Variants in FLRT2 observed in about 807,000 individuals in gnomAD.
FLRT2 encodes leucine-rich repeat transmembrane protein FLRT2.
FLRT2 carries 15 observed loss-of-function variants against 40.0 expected under a neutral mutation model. The observed-to-expected ratio is 0.38, with a 90% CI of 0.25 to 0.58. FLRT2 has a LOEUF of 0.58. Ranked by LOEUF, FLRT2 falls within the 20% of genes least tolerant of loss-of-function variation. The pLI, the probability that FLRT2 is intolerant of heterozygous loss-of-function variation, is 0.71. For synonymous variants in FLRT2, 380 were observed against 336.8 expected (o/e 1.13, Z -1.41); for missense variants, 726 against 840.0 (o/e 0.86, Z 1.68).
chr14:85,557,838 A>T (rs1192789596), intron 1 of FLRT2, among the ~76,000 whole-genome samples: 1 of 152,052 alleles, frequency 6.6e-6, no homozygotes, highest in African/African-American at 2.4e-5. Flanking sequence ...AAATTAATTA[A>T]TTAATTAATT....
rs1040536067 is a variant in FLRT2, at chr14:85,651,505, A to G, written c.*28008A>G. 1 of 152,080 alleles carries G rather than the reference A, an allele frequency of 6.6e-6. No individual in the cohort carries two copies. The highest frequency in any genetic ancestry group is 2.4e-5 in the African/African-American group (1 of 41,438). 9.4% of individuals were successfully genotyped at this position (152,080 alleles called of 1,614,324 possible). A position where few individuals can be genotyped will look rare whatever the true frequency, so the allele number is the denominator to read the frequency against. ...GTATGTGCCTGTGTCCATTTATTTC[A>G]ATAATATCTTATACTATGACTCTAT... On this transcript the variant is annotated 3_prime_UTR_variant, in exon 2 of 2. Transcript: ENST00000330753.
In FLRT2 at chr14:85,537,746, A is replaced by T. The variant is rs1303475793; in HGVS notation, c.-377+7212A>T. Among the ~76,000 whole-genome samples, 9 of 152,168 alleles carry T rather than the reference A, an allele frequency of 5.9e-5. No individual in the cohort carries two copies. In the South Asian group the frequency reaches 8.3e-4, roughly 14 times the overall value. Reference sequence around the variant, plus strand: ...ATCCTGTGTTCTGATGAATACAGAGACTTATTTCATTCTCATGGAACAGTA... The same window carrying T: ...ATCCTGTGTTCTGATGAATACAGAGTCTTATTTCATTCTCATGGAACAGTA... On this transcript the variant is annotated intron_variant, in intron 1 of 1. Coordinates refer to ENST00000330753, the MANE Select transcript of FLRT2 (RefSeq NM_013231.6).
At chr14:85,533,195 G>T (rs1054756575) in intron 1 of FLRT2, among the ~76,000 whole-genome samples, 1 of 152,116 alleles carries the variant, frequency 6.6e-6, no homozygotes, top group African/African-American at 2.4e-5. Context: ...GGAGCGGAGC[G>T]CGCCAGAGCG....
chr14:85,567,250 T>A (rs1890665660), intron 1 of FLRT2, among the ~76,000 whole-genome samples: 1 of 152,122 alleles, frequency 6.6e-6, no homozygotes, highest in Non-Finnish European at 1.5e-5. Flanking sequence ...CTGAACGCTG[T>A]GGTTTCCCCA....
intron 1 of FLRT2, among the ~76,000 whole-genome samples, chr14:85,576,844 A>G (rs950115354): frequency 1.3e-5 from 2 of 152,204 alleles, no homozygotes; most frequent in African/African-American, 4.8e-5. Context: ...ACATTCAGCC[A>G]TCAGAGGGGA....
intron 1 of FLRT2, among the ~76,000 whole-genome samples, chr14:85,558,021 C>A (rs1030284737): frequency 6.6e-6 from 1 of 151,998 alleles, no homozygotes; most frequent in Non-Finnish European, 1.5e-5. Flanking sequence ...TGGAAAGCAT[C>A]CATAGACTTC....
At chr14:85,557,220 T>C (rs986970337) in intron 1 of FLRT2, among the ~76,000 whole-genome samples, 8 of 151,232 alleles carry the variant, frequency 5.3e-5, no homozygotes, top group African/African-American at 1.9e-4. Flanking sequence ...CTTACTAAGG[T>C]AGAAGCTTAA....
At position 85,537,840 on chromosome 14, in the gene FLRT2, G is replaced by GT. The variant is rs1424211482; in HGVS notation, c.-377+7310dup. On this transcript the variant is annotated intron_variant, in intron 1 of 1. Transcript: ENST00000330753. ...GGTCAAAATCTGTTAGAACCTTCAT[G>GT]TTTTGTTTTTTTTTTTTCTTCCTTA... 2.8e-3 allele frequency among the ~76,000 whole-genome samples: 106 copies of GT among 38,514 alleles called. No individual in the cohort carries two copies. The East Asian group carries it at 0.035, about 13-fold the overall frequency. The allele number at this position is 38,514 out of a possible 152,430, so 25.3% of individuals were successfully genotyped here. A position where few individuals can be genotyped will look rare whatever the true frequency, so the allele number is the denominator to read the frequency against.
At chr14:85,548,779 G>A (rs1274979763) in intron 1 of FLRT2, among the ~76,000 whole-genome samples, 1 of 152,168 alleles carries the variant, frequency 6.6e-6, no homozygotes, top group Non-Finnish European at 1.5e-5. Context: ...ACACCCTCAA[G>A]CCTGGACCCA....
At chr14:85,612,005 C>T (rs1400318795) in intron 1 of FLRT2, among the ~76,000 whole-genome samples, 2 of 117,668 alleles carry the variant, frequency 1.7e-5, no homozygotes, top group African/African-American at 6.6e-5. Context: ...CTCTGGTGGC[C>T]ATTATATGCA....
At chr14:85,591,000 G>A (rs1379780264) in intron 1 of FLRT2, among the ~76,000 whole-genome samples, 2 of 148,152 alleles carry the variant, frequency 1.3e-5, no homozygotes, top group African/African-American at 2.6e-5. Context: ...CCTTGAGTGA[G>A]TCACTAAATC....
At chr14:85,601,000 GAAAT>G (rs1253567622) in intron 1 of FLRT2, among the ~76,000 whole-genome samples, 1 of 152,140 alleles carries the variant, frequency 6.6e-6, no homozygotes, top group African/African-American at 2.4e-5. Flanking sequence ...GTAAAAAATA[GAAAT>G]AAATAAGCCA....
chr14:85,650,362 GTATTA>G lies in FLRT2; in HGVS notation c.*26870_*26874del, dbSNP rs1339307659. On this transcript the variant is annotated 3_prime_UTR_variant, in exon 2 of 2. Coordinates refer to ENST00000330753, the MANE Select transcript of FLRT2 (RefSeq NM_013231.6). ...AATATATAGGTATTTTAATTTTACT[GTATTA>G]TATTGTTGAACATTTCCACTGTTTT... The G allele has an allele frequency of 1.3e-5, 2 of 151,586 alleles. No individual in the cohort carries two copies. Among genetic ancestry groups the G allele is most frequent in the East Asian group, 3.9e-4 (2 of 5,172 alleles). 9.4% of individuals were successfully genotyped at this position (151,586 alleles called of 1,614,324 possible).
rs1406556538 is a variant in FLRT2, at chr14:85,631,032, G to A, written c.*7535G>A. The stretch of plus-strand genomic sequence containing the variant: ...TGTATCCTACTACATGTTGCTCCCT[G>A]ACATTTCTTACCAATATTGCCTCCT... On this transcript the variant is annotated 3_prime_UTR_variant, in exon 2 of 2. Coordinates refer to ENST00000330753, the MANE Select transcript of FLRT2 (RefSeq NM_013231.6). The A allele has an allele frequency of 6.8e-6, 1 of 147,030 alleles. No individual in the cohort carries two copies. Among genetic ancestry groups the A allele is most frequent in the East Asian group, 2.0e-4 (1 of 4,976 alleles). The allele number at this position is 147,030 out of a possible 1,614,324, so 9.1% of individuals were successfully genotyped here.
At chr14:85,552,711 A>G (rs1889711505) in intron 1 of FLRT2, 1 of 152,170 alleles carries the variant, frequency 6.6e-6, no homozygotes, top group South Asian at 2.1e-4. Context: ...ATTCCGTCGC[A>G]TCATTGGGTT....
intron 1 of FLRT2, among the ~76,000 whole-genome samples, chr14:85,536,896 C>T (rs1430846536): frequency 1.3e-5 from 2 of 152,156 alleles, no homozygotes; most frequent in South Asian, 4.1e-4. Flanking sequence ...TATCCACTGC[C>T]AATGAAGGGA....
At chr14:85,593,082 A>C (rs570151800) in intron 1 of FLRT2, among the ~76,000 whole-genome samples, 1 of 152,354 alleles carries the variant, frequency 6.6e-6, no homozygotes, top group African/African-American at 2.4e-5. Flanking sequence ...GGATATGGGT[A>C]ACATTTCCTT....
intron 1 of FLRT2, among the ~76,000 whole-genome samples, chr14:85,587,097 G>A (rs1275449740): frequency 6.6e-6 from 1 of 151,986 alleles, no homozygotes; most frequent in African/African-American, 2.4e-5. Flanking sequence ...TAAGACAAAG[G>A]TATTGCAATT....
intron 1 of FLRT2, among the ~76,000 whole-genome samples, chr14:85,549,815 T>A (rs1418389483): frequency 1.3e-5 from 2 of 149,424 alleles, no homozygotes; most frequent in Non-Finnish European, 3.0e-5. Context: ...TAGCTATTTT[T>A]TTTTTTTTTT....
Sources: allele counts gnomAD v4.1 joint callset (sites outside exome capture counted in the v4.1 genomes callset), GRCh38; gene constraint gnomAD v4.1.1; transcripts MANE v1.5; gene names NCBI Gene and HGNC (gene_info 2026-07-23, HGNC 2026-07-21).